The following PHF21A variants were observed in gnomAD, a reference collection of about 807,000 sequenced individuals.
PHF21A encodes PHD finger protein 21A.
Under a neutral mutation model 82.5 loss-of-function variants are expected in PHF21A, and 11 were observed. The observed-to-expected ratio is 0.13, with a 90% CI of 0.08 to 0.22. PHF21A has a LOEUF of 0.22. Among genes scored for constraint, PHF21A ranks in the 10% least tolerant of loss-of-function variants. The pLI, the probability that PHF21A is intolerant of heterozygous loss-of-function variation, is 1.00. For synonymous variants in PHF21A, 297 were observed against 302.8 expected, an observed-to-expected ratio of 0.98 and a Z score of 0.20; for missense variants, 579 against 837.8, an observed-to-expected ratio of 0.69 and a Z score of 3.81.
At chr11:45,937,672 G>C (rs2089416943) in intron 16 of PHF21A, among the ~76,000 whole-genome samples, 1 of 152,110 alleles carries the variant, frequency 6.6e-6, no homozygotes, top group South Asian at 2.1e-4. Context: ...GTAGAGATGG[G>C]GTTTCGCCAT....
At chr11:45,999,650 G>A (rs2095048170) in intron 6 of PHF21A, among the ~76,000 whole-genome samples, 1 of 152,146 alleles carries the variant, frequency 6.6e-6, no homozygotes, top group Non-Finnish European at 1.5e-5. Context: ...TGGGTTAGAA[G>A]AGGAAGAACA....
chr11:46,028,852 G>A lies in PHF21A; in HGVS notation c.153+47902C>T, dbSNP rs369162529. Among the ~76,000 whole-genome samples, 58 of 152,266 alleles carry A rather than the reference G, an allele frequency of 3.8e-4. No individual in the cohort carries two copies. In the East Asian group the frequency reaches 4.4e-3, roughly 12 times the overall value. On this transcript the variant is annotated intron_variant, in intron 6 of 18. Coordinates refer to ENST00000676320, the MANE Select transcript of PHF21A (RefSeq NM_001352027.3). The stretch of plus-strand genomic sequence containing the variant: ...CTCCCAAAGTGCTGGGATTACAGGC[G>A]TGAGCCACCACGCCCAGCAAAGGCT...
chr11:46,116,165 G>T (rs1353610358), intron 1 of PHF21A, among the ~76,000 whole-genome samples: 2 of 151,996 alleles, frequency 1.3e-5, no homozygotes, highest in Non-Finnish European at 2.9e-5. Flanking sequence ...GAAACTCAAG[G>T]CTTTAAACTT....
At chr11:45,999,260 G>A (rs1385728937) in intron 6 of PHF21A, among the ~76,000 whole-genome samples, 1 of 152,180 alleles carries the variant, frequency 6.6e-6, no homozygotes, top group Non-Finnish European at 1.5e-5. Context: ...ACCTGGGAGA[G>A]TATATATTTT....
intron 6 of PHF21A, among the ~76,000 whole-genome samples, chr11:46,060,800 T>C (rs1420004352): frequency 6.6e-6 from 1 of 152,286 alleles, no homozygotes; most frequent in Middle Eastern, 3.2e-3. Flanking sequence ...TTTCATTTGC[T>C]GTGCAGAAGC....
Position 45,929,965 on chromosome 11 carries a change from C to T in PHF21A, c.*4003G>A, listed in dbSNP as rs781051933. ...AGGTTCACACAGAGCAAAGTTGCCT[C>T]CACTCAACAGAAGCCACGGGATCTG... On this transcript the variant is annotated 3_prime_UTR_variant, in exon 19 of 19. Transcript: ENST00000676320. 5.9e-5 allele frequency: 9 copies of T among 152,244 alleles called. No individual in the cohort carries two copies. Among genetic ancestry groups the T allele is most frequent in the African/African-American group, 9.7e-5 (4 of 41,432 alleles). The allele number at this position is 152,244 out of a possible 1,614,324, so 9.4% of individuals were successfully genotyped here.
chr11:46,055,521 T>C (rs879725759), intron 6 of PHF21A, among the ~76,000 whole-genome samples: 4 of 152,140 alleles, frequency 2.6e-5, no homozygotes, highest in Admixed American at 1.3e-4. Flanking sequence ...ACAGAGCTTT[T>C]ACTGTTACAC....
chr11:46,067,569 AAATAAT>A (rs1445533222), intron 6 of PHF21A, among the ~76,000 whole-genome samples: 2 of 147,934 alleles, frequency 1.4e-5, no homozygotes, highest in Non-Finnish European at 3.0e-5. Context: ...CTGAAGTAGG[AAATAAT>A]AATAAGAATA....
chr11:46,067,869 G>C (rs1166949762), intron 6 of PHF21A, among the ~76,000 whole-genome samples: 1 of 152,108 alleles, frequency 6.6e-6, no homozygotes. Flanking sequence ...AAATAAAGTA[G>C]GCACAAGTAC....
chr11:46,007,388 G>A (rs1216927806), intron 6 of PHF21A, among the ~76,000 whole-genome samples: 3 of 150,552 alleles, frequency 2.0e-5, no homozygotes, highest in Admixed American at 6.6e-5. Flanking sequence ...ATCTTGGCTC[G>A]CTGCAACCTC....
intron 6 of PHF21A, among the ~76,000 whole-genome samples, chr11:46,034,706 G>A (rs1021672933): frequency 6.6e-6 from 1 of 151,934 alleles, no homozygotes; most frequent in Non-Finnish European, 1.5e-5. Context: ...TTCTTTTCAC[G>A]TTCATCCTTC....
chr11:46,100,145 C>T (rs994344856), intron 1 of PHF21A, among the ~76,000 whole-genome samples: 26 of 152,218 alleles, frequency 1.7e-4, no homozygotes, highest in African/African-American at 5.5e-4. Flanking sequence ...AGTCCTAAAA[C>T]TTGAAAGTGA....
intron 7 of PHF21A, 84 bp downstream of exon 7, chr11:45,979,676 G>C: frequency 1.3e-6 from 2 of 1,594,344 alleles, no homozygotes; most frequent in Non-Finnish European, 8.6e-7. Context: ...GCTTAGTATA[G>C]TGTGAGACAG....
intron 7 of PHF21A, among the ~76,000 whole-genome samples, chr11:45,975,310 T>C (rs956122208): frequency 2.4e-5 from 3 of 125,398 alleles, no homozygotes; most frequent in Non-Finnish European, 5.0e-5. Flanking sequence ...TGAGACCCTG[T>C]CTCAAAGAAA....
At chr11:45,955,127 T>C (rs1004635422) in intron 10 of PHF21A, among the ~76,000 whole-genome samples, 9 of 152,196 alleles carry the variant, frequency 5.9e-5, no homozygotes, top group African/African-American at 2.2e-4. Flanking sequence ...CTAAACGCTA[T>C]GTAAGAGTGG....
chr11:45,953,878 T>G (rs1483379387), intron 10 of PHF21A, among the ~76,000 whole-genome samples: 1 of 152,194 alleles, frequency 6.6e-6, no homozygotes, highest in African/African-American at 2.4e-5. Flanking sequence ...ATAAGGTATA[T>G]GAAAAGAAAA....
intron 6 of PHF21A, among the ~76,000 whole-genome samples, chr11:46,018,792 G>A (rs767912518): frequency 6.6e-6 from 1 of 152,124 alleles, no homozygotes; most frequent in Non-Finnish European, 1.5e-5. Context: ...AAGAATAACT[G>A]TAGGTAGGAG....
intron 1 of PHF21A, among the ~76,000 whole-genome samples, chr11:46,115,770 C>T (rs1245413464): frequency 1.3e-5 from 2 of 152,074 alleles, no homozygotes; most frequent in Non-Finnish European, 2.9e-5. Flanking sequence ...AATTCCTTCC[C>T]TTCTCTGTTT....
chr11:46,086,251 T>C (rs1346544574), intron 3 of PHF21A, among the ~76,000 whole-genome samples: 1 of 151,942 alleles, frequency 6.6e-6, no homozygotes, highest in Non-Finnish European at 1.5e-5. Context: ...CCTGAGTAGC[T>C]GGGACTACAG....
Sources: allele counts gnomAD v4.1 joint callset (sites outside exome capture counted in the v4.1 genomes callset), GRCh38; gene constraint gnomAD v4.1.1; transcripts MANE v1.5; gene names NCBI Gene and HGNC (gene_info 2026-07-23, HGNC 2026-07-21).